Variants in FUT8 observed in about 807,000 individuals in gnomAD.
FUT8 encodes alpha-(1,6)-fucosyltransferase.
In FUT8, 29 loss-of-function variants were observed where a neutral mutation model predicts 71.3. That is an observed-to-expected ratio of 0.41 (90% confidence interval 0.30 to 0.55). The LOEUF is 0.55. Ranked by LOEUF, FUT8 falls within the 20% of genes least tolerant of loss-of-function variation. The pLI is 0.34. For missense variants in FUT8, 544 were observed against 702.1 expected, an observed-to-expected ratio of 0.77 and a Z score of 2.55; for synonymous variants, 254 against 239.3, an observed-to-expected ratio of 1.06 and a Z score of -0.57.
chr14:65,602,203 C>T (rs1431468111), intron 3 of FUT8, among the ~76,000 whole-genome samples: 1 of 150,312 alleles, frequency 6.7e-6, no homozygotes, highest in African/African-American at 2.5e-5. Flanking sequence ...GCTTAGCTCC[C>T]ACTTATGAGT....
At chr14:65,412,087 G>T (rs755483282), upstream of FUT8, 21 of 456,586 alleles carry the variant, frequency 4.6e-5, no homozygotes, top group South Asian at 3.1e-4. Flanking sequence ...GGCTGTCGCA[G>T]CCGCGGGTCG....
intron 6 of FUT8, among the ~76,000 whole-genome samples, chr14:65,657,277 A>G (rs959516834): frequency 1.3e-5 from 2 of 152,198 alleles, no homozygotes; most frequent in African/African-American, 4.8e-5. Flanking sequence ...CGTTCCTCAT[A>G]AAAGTAAAAA....
intron 1 of FUT8, among the ~76,000 whole-genome samples, chr14:65,423,017 G>T (rs1460737473): frequency 7.4e-6 from 1 of 135,594 alleles, no homozygotes; most frequent in Non-Finnish European, 1.5e-5. Flanking sequence ...ACTGAGTCTC[G>T]CTTTGTCACC....
the FUT8 span, among the ~76,000 whole-genome samples, chr14:65,388,618 C>G: frequency 6.6e-6 from 1 of 151,966 alleles, no homozygotes; most frequent in Non-Finnish European, 1.5e-5. Flanking sequence ...AAAAATTAGC[C>G]GGGCGTGATG....
chr14:65,713,989 T>C (rs193098988), intron 7 of FUT8, among the ~76,000 whole-genome samples: 14 of 152,316 alleles, frequency 9.2e-5, no homozygotes, highest in African/African-American at 3.1e-4. Context: ...CTCTTAGTAG[T>C]TTCATAGTTT....
chr14:65,503,884 C>CA (rs2066684923), intron 2 of FUT8, among the ~76,000 whole-genome samples: 1 of 152,146 alleles, frequency 6.6e-6, no homozygotes. Flanking sequence ...GGATCCTTAA[C>CA]AAAGCATTTT....
chr14:65,584,296 A>T (rs1887257329), intron 3 of FUT8, among the ~76,000 whole-genome samples: 1 of 151,572 alleles, frequency 6.6e-6, no homozygotes, highest in South Asian at 2.1e-4. Context: ...CTCCTGCCTC[A>T]GACCCCTGAG....
chr14:65,545,662 A>G (rs1180847130), intron 2 of FUT8, among the ~76,000 whole-genome samples: 1 of 151,804 alleles, frequency 6.6e-6, no homozygotes, highest in Non-Finnish European at 1.5e-5. Context: ...AAAAAAGTAA[A>G]TTGATAACTC....
Position 65,603,097 on chromosome 14 carries a change from A to AT in FUT8, c.204-12874dup, listed in dbSNP as rs1888393926. 1.3e-5 allele frequency among the ~76,000 whole-genome samples: 2 copies of AT among 151,888 alleles called. No homozygotes were observed. Among genetic ancestry groups the AT allele is most frequent in the African/African-American group, 2.4e-5 (1 of 41,468 alleles). On this transcript the variant is annotated intron_variant, in intron 3 of 10. Coordinates refer to ENST00000673929, the MANE Select transcript of FUT8 (RefSeq NM_001371533.1). The surrounding 1 kb of genome is among the most constrained non-coding windows in gnomAD (Gnocchi z 4.5). ...GATTTTTTCCGATGTTATTTTCTAG[A>AT]TTTTTTTATAGTTTCAGGTCTTAGA...
chr14:65,701,868 G>A (rs1894310365), intron 7 of FUT8, among the ~76,000 whole-genome samples: 1 of 152,114 alleles, frequency 6.6e-6, no homozygotes, highest in Non-Finnish European at 1.5e-5. Flanking sequence ...CACACCTGGA[G>A]TAGCCACCTC....
chr14:65,697,137 G>C (rs928297198), intron 7 of FUT8, among the ~76,000 whole-genome samples: 1 of 152,144 alleles, frequency 6.6e-6, no homozygotes. Flanking sequence ...TGAGGTATTG[G>C]ATAAAAAGGA....
At chr14:65,647,511 T>C (rs1300659687) in intron 6 of FUT8, among the ~76,000 whole-genome samples, 1 of 152,174 alleles carries the variant, frequency 6.6e-6, no homozygotes, top group African/African-American at 2.4e-5. Flanking sequence ...TTAATAGTGA[T>C]AGAATGTAGA....
chr14:65,630,532 C>T (rs370221195), intron 6 of FUT8, among the ~76,000 whole-genome samples: 1 of 152,124 alleles, frequency 6.6e-6, no homozygotes, highest in Non-Finnish European at 1.5e-5. Context: ...TAATCTGAAA[C>T]TAGTATTTTA....
At chr14:65,566,330 C>A (rs936379542) in intron 3 of FUT8, among the ~76,000 whole-genome samples, 5 of 151,840 alleles carry the variant, frequency 3.3e-5, no homozygotes, top group African/African-American at 1.2e-4. Context: ...AGAGGCCTAC[C>A]CATATTCAAA....
chr14:65,391,589 C>T, the FUT8 span, among the ~76,000 whole-genome samples: 1,077 of 151,788 alleles, frequency 7.1e-3, 10 homozygotes, highest in African/African-American at 0.025. Context: ...CTCCTGACCT[C>T]GTGATCCACC....
the FUT8 span, among the ~76,000 whole-genome samples, chr14:65,381,201 T>C: frequency 1.3e-3 from 193 of 152,374 alleles, no homozygotes; most frequent in Middle Eastern, 3.4e-3. Context: ...CTCTCACTAA[T>C]GGAGTGTTCT....
chr14:65,479,567 T>C (rs2066297955), intron 2 of FUT8: 1 of 152,226 alleles, frequency 6.6e-6, no homozygotes, highest in Non-Finnish European at 1.5e-5. Context: ...TCTTCTTTCC[T>C]TTCTCCTTCT....
intron 6 of FUT8, among the ~76,000 whole-genome samples, chr14:65,641,732 GT>G (rs199802631): frequency 2.9e-5 from 4 of 137,674 alleles, no homozygotes; most frequent in East Asian, 2.2e-4. Context: ...GTATGTCATG[GT>G]TTTTTTTTGT....
At chr14:65,650,856 G>GA (rs34711031) in intron 6 of FUT8, among the ~76,000 whole-genome samples, 1 of 151,766 alleles carries the variant, frequency 6.6e-6, no homozygotes, top group Non-Finnish European at 1.5e-5. Context: ...AGAGAGGGGG[G>GA]AAAAAAAAGC....
Sources: gnomAD v4.1 joint callset for allele counts (sites outside exome capture counted in the v4.1 genomes callset) on GRCh38, gnomAD v4.1.1 for gene constraint, Gnocchi (gnomAD v3.1) non-coding constraint, MANE v1.5 for transcripts, NCBI Gene and HGNC (gene_info 2026-07-23, HGNC 2026-07-21) for gene names.